The following SHF variants were observed in gnomAD, a reference collection of about 807,000 sequenced individuals.
SHF encodes the protein Src homology 2 domain containing F.
In SHF, 30 loss-of-function variants were observed where a neutral mutation model predicts 42.4. The ratio of observed to expected loss-of-function variants is 0.71; its 90% CI spans 0.53 to 0.96. The LOEUF (loss-of-function observed/expected upper bound fraction) is 0.96. Ranked by LOEUF, SHF falls within the 40% of genes least tolerant of loss-of-function variation. SHF has a pLI of 0.00. For synonymous variants in SHF, 264 were observed against 269.9 expected, an observed-to-expected ratio of 0.98 and a Z score of 0.21; for missense variants, 598 against 634.0, an observed-to-expected ratio of 0.94 and a Z score of 0.61.
chr15:45,198,768 T>A (rs529536925), intron 2 of SHF: 2 of 1,606,826 alleles, frequency 1.2e-6, no homozygotes, highest in African/African-American at 1.3e-5. Flanking sequence ...AATGGCCTAC[T>A]TACGGGGCGA....
chr15:45,168,696 C>T (rs1897332632), intron 6 of SHF, among the ~76,000 whole-genome samples: 1 of 152,210 alleles, frequency 6.6e-6, no homozygotes, highest in South Asian at 2.1e-4. Context: ...GCTCAGCTGC[C>T]TCCTCCTGGG....
At position 45,178,202 on chromosome 15, in the gene SHF, G is replaced by A. The variant is rs374023278; in HGVS notation, c.603C>T (p.Gly201=). ...GAPEKVPEND[G]YMEPYEAQKM... ...TTTGAGCCTCATAGGGCTCCATGTAGCCATCATTTTCAGGGACCTTCTCTG... is the reference window on the plus strand; with the variant it reads ...TTTGAGCCTCATAGGGCTCCATGTAACCATCATTTTCAGGGACCTTCTCTG... The change falls in exon 2 of 7, where the codon GGC becomes GGT. Residue 201 remains glycine, a synonymous_variant. Coordinates refer to ENST00000690270, the MANE Select transcript of SHF (RefSeq NM_001394037.1). The A allele has an allele frequency of 4.3e-6, 7 of 1,613,496 alleles. No individual in the cohort carries two copies. The African/African-American group carries it at 8.0e-5, about 18-fold the overall frequency.
Position 45,198,512 on chromosome 15 carries a change from G to A in SHF, c.303+260C>T, listed in dbSNP as rs143689863. 1.3e-3 allele frequency: 578 copies of A among 431,542 alleles called. 1 individual carries two copies. Among genetic ancestry groups the A allele is most frequent in the African/African-American group, 0.011 (536 of 50,648 alleles). 26.7% of individuals were successfully genotyped at this position (431,542 alleles called of 1,614,324 possible). A position where few individuals can be genotyped will look rare whatever the true frequency, so the allele number is the denominator to read the frequency against. On this transcript the variant is annotated intron_variant, in intron 2 of 7. Coordinates refer to the SHF transcript ENST00000290894. Reference sequence around the variant, plus strand: ...CAGTTTTCAAAGGAGAGAAACGTTGGTTCGTTTCAAGAAAGTGAATTACGA... The same window carrying A: ...CAGTTTTCAAAGGAGAGAAACGTTGATTCGTTTCAAGAAAGTGAATTACGA...
rs939628784 is a variant in SHF, at chr15:45,187,518, G to A, written c.434C>T (p.Thr145Ile). The change falls in exon 1 of 7, where the codon ACC becomes ATC. Residue 145 changes from threonine (T) to isoleucine (I), a missense_variant. By Grantham distance (89) the Thr-to-Ile change is moderately conservative (BLOSUM62 -1). Transcript: ENST00000690270. ...SPPHRLIRVETPGPPAPPADE... is the reference protein window; with the variant it reads ...SPPHRLIRVEIPGPPAPPADE... ...AGCAGGCGGCGCCGGGGGCCCCGGG[G>A]TCTCGACCCGAATAAGGCGGTGTGG... 20 of 1,231,852 alleles carry A rather than the reference G, an allele frequency of 1.6e-5. No individual in the cohort carries two copies. The highest frequency in any genetic ancestry group is 2.0e-5 in the Non-Finnish European group (20 of 987,786). 76.3% of individuals were successfully genotyped at this position (1,231,852 alleles called of 1,614,324 possible). A position where few individuals can be genotyped will look rare whatever the true frequency, so the allele number is the denominator to read the frequency against.
rs916267793 is a variant in SHF, at chr15:45,187,536, C to A, written c.416G>T (p.Arg139Leu). 2 of 1,229,646 alleles carry A rather than the reference C, an allele frequency of 1.6e-6. No individual in the cohort carries two copies. The highest frequency in any genetic ancestry group is 3.1e-5 in the African/African-American group (2 of 64,300). The allele number at this position is 1,229,646 out of a possible 1,614,324, so 76.2% of individuals were successfully genotyped here. Reference sequence around the variant, plus strand: ...CCCCGGGGTCTCGACCCGAATAAGGCGGTGTGGGGGAGAGCCGTGGCGCGG... The same window carrying A: ...CCCCGGGGTCTCGACCCGAATAAGGAGGTGTGGGGGAGAGCCGTGGCGCGG... ...PPPRHGSPPH[R>L]LIRVETPGPP... The change falls in exon 1 of 7, where the codon CGC becomes CTC. Residue 139 changes from arginine (R) to leucine (L), a missense_variant. Coordinates refer to ENST00000690270, the MANE Select transcript of SHF (RefSeq NM_001394037.1).
At chr15:45,180,725 G>T (rs533705059) in intron 1 of SHF, among the ~76,000 whole-genome samples, 1 of 152,190 alleles carries the variant, frequency 6.6e-6, no homozygotes, top group East Asian at 1.9e-4. Context: ...GGCCTGTTAG[G>T]TGTCTCTGTG....
chr15:45,187,478 G>A lies in SHF; in HGVS notation c.474C>T (p.Ser158=), dbSNP rs1158394323. ...CCCTATCGCTGCTGGCGGGGGGTCC[G>A]GAGATCCGCTCATCAGCAGGCGGCG... The part of the protein sequence containing the change: ...PPAPPADERI[S]GPPASSDRLA... The change falls in exon 1 of 7, where the codon TCC becomes TCT. Residue 158 remains serine, a synonymous_variant. Coordinates refer to ENST00000690270, the MANE Select transcript of SHF (RefSeq NM_001394037.1). 8.1e-7 allele frequency: 1 copy of A among 1,232,450 alleles called. No homozygotes were observed. Among genetic ancestry groups the A allele is most frequent in the Non-Finnish European group, 1.0e-6 (1 of 988,164 alleles). 76.3% of individuals were successfully genotyped at this position (1,232,450 alleles called of 1,614,324 possible). A position where few individuals can be genotyped will look rare whatever the true frequency, so the allele number is the denominator to read the frequency against.
intron 6 of SHF, among the ~76,000 whole-genome samples, chr15:45,168,662 G>T (rs1325801510): frequency 6.6e-6 from 1 of 152,150 alleles, no homozygotes; most frequent in African/African-American, 2.4e-5. Flanking sequence ...AGCTGATCTG[G>T]AAGACCCCCC....
intron 1 of SHF, among the ~76,000 whole-genome samples, chr15:45,181,782 G>C (rs562234702): frequency 4.3e-4 from 66 of 152,296 alleles, no homozygotes; most frequent in African/African-American, 1.5e-3. Flanking sequence ...GTCCGCAAAG[G>C]ACCTTTGGGG....
In SHF at chr15:45,178,216, G is replaced by A. The variant is rs1897929029; in HGVS notation, c.589C>T (p.Pro197Ser). 1 of 1,613,668 alleles carries A rather than the reference G, an allele frequency of 6.2e-7. No individual in the cohort carries two copies. Among genetic ancestry groups the A allele is most frequent in the African/African-American group, 1.3e-5 (1 of 74,900 alleles). Residue 197 changes from proline to serine, a missense_variant, in exon 2 of 7, where the codon CCT (proline) becomes TCT (serine). Coordinates refer to ENST00000690270, the MANE Select transcript of SHF (RefSeq NM_001394037.1). ...GGCTCCATGTAGCCATCATTTTCAGGGACCTTCTCTGGGGCTCCTGAAGCT... is the reference window on the plus strand; with the variant it reads ...GGCTCCATGTAGCCATCATTTTCAGAGACCTTCTCTGGGGCTCCTGAAGCT... The part of the protein sequence containing the change: ...AGASGAPEKV[P>S]ENDGYMEPYE...
chr15:45,187,685 C>A lies in SHF; in HGVS notation c.267G>T (p.Pro89=). 8.3e-7 allele frequency: 1 copy of A among 1,211,682 alleles called. No homozygotes were observed. Among genetic ancestry groups the A allele is most frequent in the Middle Eastern group, 3.2e-4 (1 of 3,138 alleles). The allele number at this position is 1,211,682 out of a possible 1,614,324, so 75.1% of individuals were successfully genotyped here. A position where few individuals can be genotyped will look rare whatever the true frequency, so the allele number is the denominator to read the frequency against. The change falls in exon 1 of 7, where the codon CCG becomes CCT. Residue 89 remains proline, a synonymous_variant. Coordinates refer to ENST00000690270, the MANE Select transcript of SHF (RefSeq NM_001394037.1). ...PAPSPAAPPA[P]PPDILAAYRL... is the part of the protein sequence containing the mutation. ...TGTAGGCGGCCAGGATGTCCGGGGG[C>A]GGCGCGGGGGGCGCGGCCGGAGAGG...
chr15:45,173,794 C>T (rs1201974596), intron 3 of SHF, 78 bp from the exon 4 acceptor site: 7 of 1,474,850 alleles, frequency 4.7e-6, no homozygotes, highest in Non-Finnish European at 6.5e-6. Flanking sequence ...GACACCAAAA[C>T]CCAGAGCCAG....
chr15:45,196,815 C>T lies in SHF; in HGVS notation c.303+1957G>A, dbSNP rs1044317097. 4.0e-5 allele frequency among the ~76,000 whole-genome samples: 6 copies of T among 150,884 alleles called. No individual in the cohort carries two copies. In the South Asian group the frequency reaches 6.3e-4, roughly 16 times the overall value. The stretch of plus-strand genomic sequence containing the variant: ...TCGGGAGGCTGAGGCAGGAGAATGG[C>T]GTGAACCTGGGAGGCGGAGCTTGCA... On this transcript the variant is annotated intron_variant, in intron 2 of 7. Coordinates refer to the SHF transcript ENST00000290894.
At chr15:45,199,042 G>A in exon 2 of SHF, 1 of 1,602,490 alleles carries the variant, frequency 6.2e-7, no homozygotes. Flanking sequence ...TCCTACAGGG[G>A]GCGCTCCTCA....
intron 6 of SHF, chr15:45,170,373 A>G: frequency 7.8e-7 from 1 of 1,287,266 alleles, no homozygotes. Flanking sequence ...GAACTTTATA[A>G]TTTTTAAAGC....
intron 3 of SHF, among the ~76,000 whole-genome samples, 181 bp from the exon 4 acceptor site, chr15:45,173,897 C>T (rs8030947): frequency 0.03 from 4,625 of 152,196 alleles, 269 homozygotes; most frequent in African/African-American, 0.11. Context: ...GCAGAGCCAA[C>T]GTTGACCACA....
exon 2 of SHF, chr15:45,199,040 G>A: frequency 6.2e-7 from 1 of 1,602,942 alleles, no homozygotes. Context: ...GGTCCTACAG[G>A]GGGCGCTCCT....
Position 45,178,195 on chromosome 15 carries a change from C to T in SHF, c.610G>A (p.Glu204Lys). Residue 204 changes from glutamate to lysine, a missense_variant, in exon 2 of 7, where the codon GAG becomes AAG. Transcript: ENST00000690270. ...EKVPENDGYMEPYEAQKMMAE... is the reference protein window; with the variant it reads ...EKVPENDGYMKPYEAQKMMAE... ...ATCATCTTTTGAGCCTCATAGGGCTCCATGTAGCCATCATTTTCAGGGACC... is the reference window on the plus strand; with the variant it reads ...ATCATCTTTTGAGCCTCATAGGGCTTCATGTAGCCATCATTTTCAGGGACC... The T allele has an allele frequency of 2.5e-6, 4 of 1,613,504 alleles. No homozygotes were observed. Among genetic ancestry groups the T allele is most frequent in the Non-Finnish European group, 3.4e-6 (4 of 1,179,890 alleles).
upstream of SHF, among the ~76,000 whole-genome samples, chr15:45,192,423 A>G (rs893515934): frequency 2.4e-5 from 3 of 125,486 alleles, no homozygotes; most frequent in Non-Finnish European, 4.6e-5. Flanking sequence ...GCTGGAGTGC[A>G]GTGGTGCAAT....
Sources: allele counts gnomAD v4.1 joint callset (sites outside exome capture counted in the v4.1 genomes callset), GRCh38; gene constraint gnomAD v4.1.1; transcripts MANE v1.5; gene names NCBI Gene and HGNC (gene_info 2026-07-23, HGNC 2026-07-21).